FUT8: variants seen among roughly 807,000 people sequenced by gnomAD.
FUT8 encodes alpha-(1,6)-fucosyltransferase.
FUT8 carries 29 observed loss-of-function variants against 71.3 expected under a neutral mutation model. That is an observed-to-expected ratio of 0.41 (90% CI 0.30 to 0.55). The LOEUF (loss-of-function observed/expected upper bound fraction) is 0.55, where lower values mean the gene tolerates loss of function less well. Ranked by LOEUF, FUT8 falls within the 20% of genes least tolerant of loss-of-function variation. The pLI is 0.34. For missense variants in FUT8, 544 were observed against 702.1 expected (o/e 0.77, Z 2.55); for synonymous variants, 254 against 239.3 (o/e 1.06, Z -0.57).
intron 7 of FUT8, among the ~76,000 whole-genome samples, chr14:65,699,194 A>G (rs1349594225): frequency 7.4e-6 from 1 of 135,374 alleles, no homozygotes; most frequent in African/African-American, 2.6e-5. Context: ...ACACACACAC[A>G]CACACGCCCA....
intron 7 of FUT8, among the ~76,000 whole-genome samples, chr14:65,679,713 A>G (rs1892945325): frequency 6.6e-6 from 1 of 152,140 alleles, no homozygotes; most frequent in South Asian, 2.1e-4. Context: ...ACTGTATCAC[A>G]TTATACTATA....
At chr14:65,457,063 T>C (rs2065903639) in intron 2 of FUT8, among the ~76,000 whole-genome samples, 1 of 152,150 alleles carries the variant, frequency 6.6e-6, no homozygotes, top group Non-Finnish European at 1.5e-5. Context: ...TATTTTGAAA[T>C]GTACAGTCAA....
chr14:65,656,606 C>T (rs572644936), intron 6 of FUT8, among the ~76,000 whole-genome samples: 3 of 152,200 alleles, frequency 2.0e-5, no homozygotes, highest in South Asian at 4.1e-4. Context: ...TAACCAGTGA[C>T]ACTCTTCACA....
intron 7 of FUT8, among the ~76,000 whole-genome samples, chr14:65,717,426 TG>T (rs201554876): frequency 0.1 from 9,550 of 94,986 alleles, 644 homozygotes; most frequent in African/African-American, 0.17. Flanking sequence ...TGGGCAGAGG[TG>T]GCTCCTCACA....
chr14:65,414,055 T>C (rs2065183157), intron 1 of FUT8, among the ~76,000 whole-genome samples: 1 of 152,170 alleles, frequency 6.6e-6, no homozygotes, highest in African/African-American at 2.4e-5. Flanking sequence ...ACAGGTGGTG[T>C]TTTTTTCCTT....
intron 2 of FUT8, among the ~76,000 whole-genome samples, chr14:65,504,154 T>G (rs1008220981): frequency 2.6e-5 from 4 of 152,238 alleles, no homozygotes; most frequent in Admixed American, 1.3e-4. Context: ...TTGTATTAGT[T>G]GAACTTTCAT....
At chr14:65,631,373 C>CT (rs919210149) in intron 6 of FUT8, among the ~76,000 whole-genome samples, 138 of 148,858 alleles carry the variant, frequency 9.3e-4, no homozygotes, top group African/African-American at 2.6e-3. Flanking sequence ...TTTTAGTTTC[C>CT]TTTTTTTTTT....
At chr14:65,400,186 G>A in the FUT8 span, among the ~76,000 whole-genome samples, 1 of 152,142 alleles carries the variant, frequency 6.6e-6, no homozygotes, top group Admixed American at 6.5e-5. Flanking sequence ...TACCCTTCAT[G>A]TGGCATCCAG....
intron 9 of FUT8, 47 bp downstream of exon 9, chr14:65,724,370 G>A: frequency 5.1e-6 from 6 of 1,181,908 alleles, no homozygotes; most frequent in Non-Finnish European, 7.1e-6. Context: ...GTCTCTTTCA[G>A]TTTAAAAGAA....
At chr14:65,732,867 T>C (rs779151367) in intron 9 of FUT8, among the ~76,000 whole-genome samples, 2 of 152,204 alleles carry the variant, frequency 1.3e-5, no homozygotes, top group African/African-American at 2.4e-5. Context: ...TCACAGTATT[T>C]GTATTCTAAA....
chr14:65,714,399 C>T (rs944886200), intron 7 of FUT8, among the ~76,000 whole-genome samples: 2 of 150,908 alleles, frequency 1.3e-5, no homozygotes, highest in African/African-American at 4.9e-5. Context: ...TATCCTGTGT[C>T]TTTTGTGGTT....
Position 65,474,441 on chromosome 14 carries a change from G to GAAAAAAAA in FUT8, c.-228+18732_-228+18739dup, listed in dbSNP as rs398025445. Among the ~76,000 whole-genome samples, 65 of 39,676 alleles carry GAAAAAAAA rather than the reference G, an allele frequency of 1.6e-3. 12 individuals carry two copies. In the South Asian group the frequency reaches 0.027, roughly 16 times the overall value. 26.0% of individuals were successfully genotyped at this position (39,676 alleles called of 152,430 possible). On this transcript the variant is annotated intron_variant, in intron 2 of 10. Transcript: ENST00000673929. Reference sequence around the variant, plus strand: ...AACATGGTGAAAACCTGTCTCTACTGAAAAAAAAAAAAAAAAGCCAGGCGT... The same window carrying GAAAAAAAA: ...AACATGGTGAAAACCTGTCTCTACTGAAAAAAAAAAAAAAAAAAAAAAAAGCCAGGCGT...
chr14:65,575,084 T>A (rs997446926), intron 3 of FUT8, among the ~76,000 whole-genome samples: 1 of 151,494 alleles, frequency 6.6e-6, no homozygotes, highest in African/African-American at 2.4e-5. Flanking sequence ...TTTATTTTAT[T>A]ATTTTATTTA....
chr14:65,674,069 A>G (rs954425751), intron 7 of FUT8, among the ~76,000 whole-genome samples: 3 of 152,186 alleles, frequency 2.0e-5, no homozygotes, highest in African/African-American at 7.2e-5. Context: ...AGGTAGACTA[A>G]TTTATAAACT....
At chr14:65,629,732 ATATT>A (rs1594835893) in intron 6 of FUT8, 126 bp downstream of exon 6, 9 of 648,168 alleles carry the variant, frequency 1.4e-5, no homozygotes, top group African/African-American at 3.7e-5. Flanking sequence ...CACATTTTAC[ATATT>A]TATTCAGAAA....
intron 7 of FUT8, among the ~76,000 whole-genome samples, chr14:65,680,629 A>G (rs1383004131): frequency 6.6e-6 from 1 of 152,254 alleles, no homozygotes; most frequent in Non-Finnish European, 1.5e-5. Flanking sequence ...ACATATGCCT[A>G]GAAGTGGTAT....
chr14:65,360,359 G>A, the FUT8 span, among the ~76,000 whole-genome samples: 19 of 152,314 alleles, frequency 1.2e-4, no homozygotes, highest in African/African-American at 4.1e-4. Context: ...GCTTAATGTG[G>A]TAAGTGTACT....
rs181165542 is a variant in FUT8 at position 65,461,907 on chromosome 14, G to A, written c.-228+6189G>A. On this transcript the variant is annotated intron_variant, in intron 2 of 10. Transcript: ENST00000673929. The stretch of plus-strand genomic sequence containing the variant: ...AGAAAACAGGAACTTGGGAGGAGGG[G>A]CGAGGAAGCAATAATGGTGAATGAG... Among the ~76,000 whole-genome samples the A allele has an allele frequency of 2.8e-3, 433 of 152,312 alleles. 2 individuals carry two copies. The highest frequency in any genetic ancestry group is 9.9e-3 in the African/African-American group (412 of 41,562).
At chr14:65,642,676 C>T (rs901433662) in intron 6 of FUT8, among the ~76,000 whole-genome samples, 8 of 151,128 alleles carry the variant, frequency 5.3e-5, no homozygotes, top group Non-Finnish European at 4.4e-5. Flanking sequence ...GTTAGTACCA[C>T]ACTGTCTTGG....
Sources: allele counts gnomAD v4.1 joint callset (sites outside exome capture counted in the v4.1 genomes callset), GRCh38; gene constraint gnomAD v4.1.1; transcripts MANE v1.5; gene names NCBI Gene and HGNC (gene_info 2026-07-23, HGNC 2026-07-21).